TMEM245: variants seen among roughly 807,000 people sequenced by gnomAD.
TMEM245 encodes the protein protein CG-2.
A neutral mutation model predicts 101.2 loss-of-function variants in TMEM245; 69 were observed. The ratio of observed to expected loss-of-function variants is 0.68; its 90% confidence interval spans 0.56 to 0.83. The LOEUF (loss-of-function observed/expected upper bound fraction) is 0.83, where lower values mean the gene tolerates loss of function less well. Ranked by LOEUF, TMEM245 falls within the 40% of genes least tolerant of loss-of-function variation. TMEM245 has a pLI of 0.00. For synonymous variants in TMEM245, 537 were observed against 449.8 expected, an observed-to-expected ratio of 1.19 and a Z score of -2.45; for missense variants, 1,075 against 1,092.8, an observed-to-expected ratio of 0.98 and a Z score of 0.23.
At chr9:109,040,951 T>A (rs965171567) in intron 14 of TMEM245, among the ~76,000 whole-genome samples, 7 of 152,206 alleles carry the variant, frequency 4.6e-5, no homozygotes, top group African/African-American at 1.7e-4. Context: ...CGTCTGTAAA[T>A]ACCTAGGAGT....
At chr9:109,070,650 TATG>T (rs3060682) in intron 9 of TMEM245, among the ~76,000 whole-genome samples, 33,468 of 152,014 alleles carry the variant, frequency 0.22, 4,486 homozygotes, top group Admixed American at 0.3. Flanking sequence ...TAGAATGAAA[TATG>T]ATGATTCTAC....
In TMEM245 at chr9:109,119,324, C is replaced by G. The variant is rs1410963241; in HGVS notation, c.579+11G>C. ...CGGGCGGGGGACGGGGGCGGACTGCCGCTCACTCACCCACAGGCTGCTGAA... is the reference window on the plus strand; with the variant it reads ...CGGGCGGGGGACGGGGGCGGACTGCGGCTCACTCACCCACAGGCTGCTGAA... On this transcript the variant is annotated intron_variant, in intron 1 of 17. Coordinates refer to ENST00000374586, the MANE Select transcript of TMEM245 (RefSeq NM_032012.4). 3 of 1,522,910 alleles carry G rather than the reference C, an allele frequency of 2.0e-6. No individual in the cohort carries two copies. Among genetic ancestry groups the G allele is most frequent in the South Asian group, 1.2e-5 (1 of 82,996 alleles). 94.3% of individuals were successfully genotyped at this position (1,522,910 alleles called of 1,614,324 possible). A position where few individuals can be genotyped will look rare whatever the true frequency, so the allele number is the denominator to read the frequency against.
chr9:109,095,400 GC>G (rs1830113212), intron 3 of TMEM245, among the ~76,000 whole-genome samples: 1 of 152,200 alleles, frequency 6.6e-6, no homozygotes, highest in African/African-American at 2.4e-5. Flanking sequence ...AAAAAGAAAT[GC>G]TGGGTATCTT....
intron 4 of TMEM245, 27 bp downstream of exon 4, chr9:109,093,448 C>T (rs369108202): frequency 2.1e-5 from 33 of 1,579,196 alleles, no homozygotes; most frequent in Middle Eastern, 1.7e-4. Context: ...CCAGAATAAC[C>T]TTGAATGTCA....
chr9:109,074,862 G>C (rs887285681), intron 8 of TMEM245, among the ~76,000 whole-genome samples: 13 of 152,178 alleles, frequency 8.5e-5, no homozygotes, highest in Non-Finnish European at 1.6e-4. Flanking sequence ...GCACCAAGAC[G>C]GGGAAAACAA....
At chr9:109,042,253 A>G (rs1270460330) in intron 14 of TMEM245, 1 of 152,182 alleles carries the variant, frequency 6.6e-6, no homozygotes, top group Admixed American at 6.5e-5. Flanking sequence ...GCTGTAATAA[A>G]TTACCCTAAA....
intron 8 of TMEM245, among the ~76,000 whole-genome samples, chr9:109,080,217 G>C (rs566429428): frequency 6.6e-6 from 1 of 152,068 alleles, no homozygotes; most frequent in South Asian, 2.1e-4. Flanking sequence ...AGTTCAATAC[G>C]GTTCAGATAA....
In TMEM245 at chr9:109,080,933, C is replaced by T; in HGVS notation, c.1355G>A (p.Trp452Ter). ...WHWLNKKMII[W>*]LEKMLDKIIS... Reference sequence around the variant, plus strand: ...TATTTTATCTAACATCTTCTCCAACCAGATGATCATCTGCACAAAAACGAA... The same window carrying T: ...TATTTTATCTAACATCTTCTCCAACTAGATGATCATCTGCACAAAAACGAA... The change falls in exon 8 of 18, where the codon TGG (tryptophan) becomes TAG (stop). Residue 452 changes from tryptophan (W) to a stop codon, truncating the protein, a stop_gained. Coordinates refer to ENST00000374586, the MANE Select transcript of TMEM245 (RefSeq NM_032012.4). LOFTEE classifies it high-confidence loss of function. 1.9e-6 allele frequency: 3 copies of T among 1,598,692 alleles called. No homozygotes were observed. The highest frequency in any genetic ancestry group is 1.3e-5 in the African/African-American group (1 of 74,504).
chr9:109,098,057 A>G (rs995151808), intron 3 of TMEM245, among the ~76,000 whole-genome samples: 10 of 152,202 alleles, frequency 6.6e-5, no homozygotes, highest in African/African-American at 2.4e-4. Flanking sequence ...ACCCTTCTGT[A>G]GTATTTCTTT....
chr9:109,097,316 G>T (rs1438010432), intron 3 of TMEM245, among the ~76,000 whole-genome samples: 1 of 152,196 alleles, frequency 6.6e-6, no homozygotes, highest in Non-Finnish European at 1.5e-5. Context: ...CCTCTTCAAA[G>T]AACTCTAGGA....
intron 1 of TMEM245, among the ~76,000 whole-genome samples, chr9:109,114,451 A>C (rs912511446): frequency 1.3e-5 from 2 of 152,314 alleles, no homozygotes; most frequent in Non-Finnish European, 2.9e-5. Context: ...AAATTGTTCA[A>C]GCCAACCCCT....
intron 14 of TMEM245, among the ~76,000 whole-genome samples, chr9:109,044,903 G>A (rs1361539546): frequency 2.0e-5 from 3 of 151,962 alleles, no homozygotes; most frequent in Admixed American, 6.6e-5. Flanking sequence ...AGGACTACAG[G>A]TGCATGCCAC....
intron 17 of TMEM245, among the ~76,000 whole-genome samples, chr9:109,028,364 G>C (rs1254276150): frequency 6.6e-6 from 1 of 150,702 alleles, no homozygotes; most frequent in Non-Finnish European, 1.5e-5. Context: ...TGTGGCGGGA[G>C]AATCATTTGA....
intron 3 of TMEM245, among the ~76,000 whole-genome samples, chr9:109,096,313 C>T (rs1463505403): frequency 6.6e-6 from 1 of 152,130 alleles, no homozygotes; most frequent in Non-Finnish European, 1.5e-5. Context: ...CCCGTCTCTA[C>T]TAAAAACACA....
In TMEM245 at chr9:109,020,410, T is replaced by A; in HGVS notation, c.*50A>T. ...GCAGAGGGCCACAGCTGAGCTGAAC[T>A]CGCTGTCAAATTTGAACTTCCTAGA... is the stretch of plus-strand genomic sequence containing the variant. On this transcript the variant is annotated 3_prime_UTR_variant, in exon 18 of 18. Transcript: ENST00000374586. 1 of 1,571,154 alleles carries A rather than the reference T, an allele frequency of 6.4e-7. No individual in the cohort carries two copies. Among genetic ancestry groups the A allele is most frequent in the Non-Finnish European group, 8.8e-7 (1 of 1,140,810 alleles).
chr9:109,073,514 T>C (rs1829397152), intron 8 of TMEM245, 76 bp from the exon 9 acceptor site: 3 of 1,154,396 alleles, frequency 2.6e-6, no homozygotes, highest in Admixed American at 3.8e-5. Context: ...TCTACTCTAT[T>C]ATTGGAACAA....
intron 17 of TMEM245, among the ~76,000 whole-genome samples, chr9:109,029,036 G>C (rs1028408722): frequency 2.6e-5 from 4 of 152,006 alleles, no homozygotes; most frequent in African/African-American, 9.7e-5. Context: ...AAACCTGTAC[G>C]CTAAAAAGGT....
chr9:109,119,235 G>A, intron 1 of TMEM245, 100 bp downstream of exon 1: 1 of 1,118,682 alleles, frequency 8.9e-7, no homozygotes. Flanking sequence ...CACAGGTGTG[G>A]CCCCTCGTCG....
At chr9:109,083,927 A>C (rs1829757080) in intron 7 of TMEM245, among the ~76,000 whole-genome samples, 1 of 140,420 alleles carries the variant, frequency 7.1e-6, no homozygotes, top group Non-Finnish European at 1.6e-5. Context: ...AAAAAAAAAA[A>C]AACACCAGGC....
Sources: gnomAD v4.1 joint callset for allele counts (sites outside exome capture counted in the v4.1 genomes callset) on GRCh38, gnomAD v4.1.1 for gene constraint, MANE v1.5 for transcripts, NCBI Gene and HGNC (gene_info 2026-07-23, HGNC 2026-07-21) for gene names.